Variants in ZMAT3 observed in about 807,000 individuals in gnomAD.
The protein encoded by ZMAT3 is zinc finger matrin-type 3.
In ZMAT3, 17 loss-of-function variants were observed where a neutral mutation model predicts 32.3. That is an observed-to-expected ratio of 0.53 (90% CI 0.36 to 0.79). The LOEUF is 0.79. Ranked by LOEUF, ZMAT3 falls within the 30% of genes least tolerant of loss-of-function variation. The pLI, the probability that ZMAT3 is intolerant of heterozygous loss-of-function variation, is 0.00. For missense variants in ZMAT3, 329 were observed against 359.7 expected, an observed-to-expected ratio of 0.91 and a Z score of 0.69; for synonymous variants, 120 against 133.1, an observed-to-expected ratio of 0.90 and a Z score of 0.68.
At chr3:179,040,139 C>A (rs1719836832) in intron 2 of ZMAT3, among the ~76,000 whole-genome samples, 2 of 152,162 alleles carry the variant, frequency 1.3e-5, no homozygotes, top group African/African-American at 4.8e-5. Flanking sequence ...GAGAATGGAA[C>A]CAAGTTGGAA....
Position 179,039,376 on chromosome 3 carries a change from AGCAATATTTGCTGTTCT to A in ZMAT3, c.271-8394_271-8378del, listed in dbSNP as rs60970638. 1.6e-3 allele frequency among the ~76,000 whole-genome samples: 239 copies of A among 152,344 alleles called. 1 individual carries two copies. Among genetic ancestry groups the A allele is most frequent in the African/African-American group, 5.0e-3 (206 of 41,578 alleles). On this transcript the variant is annotated intron_variant, in intron 2 of 5. Transcript: ENST00000311417. ...GCAGATTCCGGAGGAAGGATCAGGC[AGCAATATTTGCTGTTCT>A]GCAATATTTGCTGTTCTGCAGCCTC...
chr3:179,070,690 A>G (rs988041184), intron 1 of ZMAT3, among the ~76,000 whole-genome samples: 1 of 152,248 alleles, frequency 6.6e-6, no homozygotes, highest in African/African-American at 2.4e-5. Flanking sequence ...AATATTCTTC[A>G]AATCTTAAAA....
chr3:179,033,431 C>T (rs1719406050), intron 2 of ZMAT3, among the ~76,000 whole-genome samples: 1 of 151,894 alleles, frequency 6.6e-6, no homozygotes. Context: ...CTTCCCTCCA[C>T]TATTGTCCTA....
Position 179,067,710 on chromosome 3 carries a change from G to A in ZMAT3, c.43C>T (p.Pro15Ser), listed in dbSNP as rs1721493278. 1.9e-6 allele frequency: 3 copies of A among 1,614,168 alleles called. No homozygotes were observed. Among genetic ancestry groups the A allele is most frequent in the Admixed American group, 1.7e-5 (1 of 60,020 alleles). ...ACTGACATAGGAGGCGAGGGTGAGG[G>A]CTGCTTAGGTGGAGGAAGCACGGCG... ...QHAVLPPPKQ[P>S]SPSPPMSVAT... is the part of the protein sequence containing the mutation. Residue 15 changes from proline (P) to serine (S), a missense_variant, in exon 2 of 6, where the codon CCC becomes TCC. Transcript: ENST00000311417.
At chr3:179,033,564 A>G (rs1197292618) in intron 2 of ZMAT3, among the ~76,000 whole-genome samples, 1 of 152,208 alleles carries the variant, frequency 6.6e-6, no homozygotes, top group Non-Finnish European at 1.5e-5. Flanking sequence ...AGGAAAAAAA[A>G]AAAAGAAGTA....
chr3:179,070,869 G>A (rs1721673195), intron 1 of ZMAT3, among the ~76,000 whole-genome samples: 1 of 152,064 alleles, frequency 6.6e-6, no homozygotes, highest in South Asian at 2.1e-4. Flanking sequence ...ATTGGACTGG[G>A]GCCTACTCTT....
Position 179,027,516 on chromosome 3 carries a change from A to G in ZMAT3, c.565T>C (p.Ser189Pro). 3 of 1,614,230 alleles carry G rather than the reference A, an allele frequency of 1.9e-6. No homozygotes were observed. The highest frequency in any genetic ancestry group is 2.5e-6 in the Non-Finnish European group (3 of 1,180,042). The change falls in exon 5 of 6, where the codon TCA becomes CCA. Residue 189 changes from serine to proline, a missense_variant. Transcript: ENST00000311417. ...EAQSNSFSES[S>P]ELGQRRARKE... ...CTGGCCCGCCGTTGACCCAGCTCTG[A>G]GGATTCCCTGGAGAAAAGAAGTTTA...
rs191483272 is a variant in ZMAT3 at position 179,025,119 on chromosome 3, G to T, written c.768C>A (p.Gly256=). 40 of 1,614,016 alleles carry T rather than the reference G, an allele frequency of 2.5e-5. No homozygotes were observed. The East Asian group carries it at 6.9e-4, about 28-fold the overall frequency. Residue 256 remains glycine, a synonymous_variant, in exon 6 of 6, where the codon GGC becomes GGA. Coordinates refer to ENST00000311417, the MANE Select transcript of ZMAT3 (RefSeq NM_022470.4). ...FYCSMCNVGA[G]EEMEFRQHLE... ...AATGCTGCCGGAATTCCATCTCTTC[G>T]CCAGCTCCAACATTACACATTGAGC...
Position 179,071,499 on chromosome 3 carries a change from G to A in ZMAT3, c.-58+96C>T, listed in dbSNP as rs560336313. The A allele has an allele frequency of 1.7e-3, 261 of 152,410 alleles. 4 individuals carry two copies. The highest frequency in any genetic ancestry group is 6.0e-3 in the African/African-American group (248 of 41,586). The allele number at this position is 152,410 out of a possible 1,614,324, so 9.4% of individuals were successfully genotyped here. ...AGCAGCGCAAGCCCTGTCACGTGGA[G>A]GGCAGATGGAAAGAGCATCGGAAAG... is the stretch of plus-strand genomic sequence containing the variant. On this transcript the variant is annotated intron_variant, in intron 1 of 5. Coordinates refer to ENST00000311417, the MANE Select transcript of ZMAT3 (RefSeq NM_022470.4).
chr3:179,032,207 T>C (rs1719285235), intron 2 of ZMAT3, among the ~76,000 whole-genome samples: 1 of 151,794 alleles, frequency 6.6e-6, no homozygotes, highest in South Asian at 2.1e-4. Flanking sequence ...TTTCGCCGTG[T>C]TGGCCGGGCT....
chr3:179,024,893 T>G lies in ZMAT3; in HGVS notation c.*124A>C. 4 of 847,244 alleles carry G rather than the reference T, an allele frequency of 4.7e-6. No individual in the cohort carries two copies. Among genetic ancestry groups the G allele is most frequent in the Non-Finnish European group, 5.5e-6 (3 of 542,600 alleles). The allele number at this position is 847,244 out of a possible 1,614,324, so 52.5% of individuals were successfully genotyped here. A position where few individuals can be genotyped will look rare whatever the true frequency, so the allele number is the denominator to read the frequency against. On this transcript the variant is annotated 3_prime_UTR_variant, in exon 6 of 6. Transcript: ENST00000311417. ...GTTTTGACATCTCATGGTACCACTGTGGGTTACATGTATTAACATTAAGCA... is the reference window on the plus strand; with the variant it reads ...GTTTTGACATCTCATGGTACCACTGGGGGTTACATGTATTAACATTAAGCA...
At chr3:179,032,959 G>A (rs963421001) in intron 2 of ZMAT3, among the ~76,000 whole-genome samples, 2 of 152,246 alleles carry the variant, frequency 1.3e-5, no homozygotes, top group African/African-American at 4.8e-5. Context: ...GAGCCTCTCT[G>A]CCCGGCCGCC....
chr3:179,063,973 G>A (rs1402747873), intron 2 of ZMAT3, among the ~76,000 whole-genome samples: 1 of 152,214 alleles, frequency 6.6e-6, no homozygotes, highest in African/African-American at 2.4e-5. Context: ...GCCCCAGCTT[G>A]GGAACACTGG....
chr3:179,036,533 A>G (rs1451471205), intron 2 of ZMAT3, among the ~76,000 whole-genome samples: 4 of 152,192 alleles, frequency 2.6e-5, no homozygotes, highest in Non-Finnish European at 1.5e-5. Context: ...TGAAGAAGGT[A>G]AGAACAAGTA....
chr3:179,061,799 T>C (rs988296304), intron 2 of ZMAT3, among the ~76,000 whole-genome samples: 4 of 152,158 alleles, frequency 2.6e-5, no homozygotes, highest in Non-Finnish European at 5.9e-5. Context: ...ATTTCCCCAC[T>C]CATAATAGTG....
intron 2 of ZMAT3, 115 bp downstream of exon 2, chr3:179,067,368 C>G: frequency 3.6e-6 from 4 of 1,120,644 alleles, no homozygotes; most frequent in Non-Finnish European, 5.1e-6. Flanking sequence ...GTTAGTTGTT[C>G]TCTAAGCCAT....
chr3:179,023,708 ATATTTTTTTTT>A lies in ZMAT3; in HGVS notation c.*1298_*1308del, dbSNP rs1718682036. On this transcript the variant is annotated 3_prime_UTR_variant, in exon 6 of 6. Coordinates refer to ENST00000311417, the MANE Select transcript of ZMAT3 (RefSeq NM_022470.4). Reference sequence around the variant, plus strand: ...CTGGAAAATATATCTATATATATATATATTTTTTTTTTTTTTTTTTTTTTTTTTTTGAGACG... The same window carrying A: ...CTGGAAAATATATCTATATATATATATTTTTTTTTTTTTTTTTTTGAGACG... 1.6e-4 allele frequency: 2 copies of A among 12,632 alleles called. No individual in the cohort carries two copies. Among genetic ancestry groups the A allele is most frequent in the Admixed American group, 1.2e-3 (1 of 840 alleles). 0.8% of individuals were successfully genotyped at this position (12,632 alleles called of 1,614,324 possible).
At chr3:179,028,086 G>C (rs572583888) in intron 3 of ZMAT3, among the ~76,000 whole-genome samples, 1 of 152,312 alleles carries the variant, frequency 6.6e-6, no homozygotes, top group Non-Finnish European at 1.5e-5. Context: ...AAAAACCTTA[G>C]ATTTAGGACA....
intron 2 of ZMAT3, among the ~76,000 whole-genome samples, chr3:179,033,021 C>A (rs1719370019): frequency 6.6e-6 from 1 of 152,318 alleles, no homozygotes; most frequent in South Asian, 2.1e-4. Context: ...GCCACGATGA[C>A]GATGGCGGTT....
Sources: gnomAD v4.1 joint callset for allele counts (sites outside exome capture counted in the v4.1 genomes callset) on GRCh38, gnomAD v4.1.1 for gene constraint, MANE v1.5 for transcripts, NCBI Gene and HGNC (gene_info 2026-07-23, HGNC 2026-07-21) for gene names.